COL23A1: variants seen among roughly 807,000 people sequenced by gnomAD.
The protein encoded by COL23A1 is collagen type XXIII alpha 1 chain, also known as collagen alpha-1(XXIII) chain.
COL23A1 carries 97 observed loss-of-function variants against 99.3 expected under a neutral mutation model. That is an observed-to-expected ratio of 0.98 (90% confidence interval 0.83 to 1.16). The LOEUF (loss-of-function observed/expected upper bound fraction) is 1.16. COL23A1 is among the 50% of genes most tolerant of loss of function. COL23A1 has a pLI of 0.00. For missense variants in COL23A1, 762 were observed against 757.4 expected, an observed-to-expected ratio of 1.01 and a Z score of -0.07; for synonymous variants, 320 against 308.2, an observed-to-expected ratio of 1.04 and a Z score of -0.40.
At position 178,340,020 on chromosome 5, in the gene COL23A1, G is replaced by A. The variant is rs905522965; in HGVS notation, c.362-33101C>T. ...GGGTGGGTGGCGGGTGGCTGTTGGG[G>A]GATGAAGAGATGAGTAGAGGGATGA... On this transcript the variant is annotated intron_variant, in intron 2 of 28. Transcript: ENST00000390654. The surrounding 1 kb of genome is among the most constrained non-coding windows in gnomAD (Gnocchi z 4.7). Among the ~76,000 whole-genome samples, 8 of 152,168 alleles carry A rather than the reference G, an allele frequency of 5.3e-5. No individual in the cohort carries two copies. Among genetic ancestry groups the A allele is most frequent in the African/African-American group, 1.9e-4 (8 of 41,434 alleles).
At chr5:178,256,802 C>T in intron 14 of COL23A1, 64 bp downstream of exon 14, 1 of 1,504,810 alleles carries the variant, frequency 6.6e-7, no homozygotes, top group Non-Finnish European at 9.1e-7. Flanking sequence ...ACATCTCCCA[C>T]TCCCGACTGG....
intron 18 of COL23A1, among the ~76,000 whole-genome samples, chr5:178,249,704 ACACACACACACACTCTCTCT>A (rs1764910783): frequency 9.7e-6 from 1 of 103,122 alleles, no homozygotes; most frequent in East Asian, 3.1e-4. Context: ...ACACACACAC[ACACACACACACACTCTCTCT>A]CTCTCTCTCT....
chr5:178,552,816 T>C (rs1219520774), intron 2 of COL23A1, among the ~76,000 whole-genome samples: 1 of 151,750 alleles, frequency 6.6e-6, no homozygotes, highest in East Asian at 2.0e-4. Context: ...CGGGTTCAAG[T>C]GATTCTCCTG....
At chr5:178,558,308 T>C (rs1053987641) in intron 2 of COL23A1, among the ~76,000 whole-genome samples, 5 of 152,114 alleles carry the variant, frequency 3.3e-5, no homozygotes, top group South Asian at 2.1e-4. Context: ...TATCATTTAC[T>C]GATAAAGACC....
At chr5:178,295,764 G>T (rs1356523602) in intron 3 of COL23A1, among the ~76,000 whole-genome samples, 1 of 152,242 alleles carries the variant, frequency 6.6e-6, no homozygotes, top group Non-Finnish European at 1.5e-5. Flanking sequence ...TGCAGCTGCA[G>T]ATGGAATACT....
At chr5:178,258,675 G>T (rs373091218) in intron 12 of COL23A1, among the ~76,000 whole-genome samples, 2 of 151,950 alleles carry the variant, frequency 1.3e-5, no homozygotes, top group East Asian at 2.0e-4. Context: ...GATTACAGGC[G>T]TCAGCCACCG....
At chr5:178,247,630 G>A in intron 21 of COL23A1, 78 bp from the exon 22 acceptor site, 1 of 1,587,692 alleles carries the variant, frequency 6.3e-7, no homozygotes. Context: ...CTGGGGCCCT[G>A]TCCTGGGCTC....
intron 2 of COL23A1, among the ~76,000 whole-genome samples, chr5:178,349,534 A>G (rs9687973): frequency 1.1e-4 from 3 of 28,470 alleles, no homozygotes; most frequent in Non-Finnish European, 2.0e-4. Context: ...CTCCCTAGGC[A>G]GGGCCACCCC....
chr5:178,551,204 AT>A (rs1761987357), intron 2 of COL23A1, among the ~76,000 whole-genome samples: 1 of 33,942 alleles, frequency 2.9e-5, no homozygotes, highest in Non-Finnish European at 1.1e-4. Context: ...ATATATATAA[AT>A]TATTTTTCTT....
intron 2 of COL23A1, among the ~76,000 whole-genome samples, chr5:178,424,941 C>T (rs1765830129): frequency 6.6e-6 from 1 of 152,234 alleles, no homozygotes; most frequent in Admixed American, 6.5e-5. Context: ...GCCTCGCCTC[C>T]TCCTCAGGAG....
At chr5:178,470,778 A>AGGG (rs1562000691) in intron 2 of COL23A1, among the ~76,000 whole-genome samples, 1 of 152,130 alleles carries the variant, frequency 6.6e-6, no homozygotes, top group East Asian at 1.9e-4. Context: ...CACTGGACCC[A>AGGG]GATACCTCCT....
At chr5:178,480,944 G>A (rs1347973393) in intron 2 of COL23A1, among the ~76,000 whole-genome samples, 4 of 151,878 alleles carry the variant, frequency 2.6e-5, no homozygotes, top group African/African-American at 7.3e-5. Context: ...CCAGGAGTTC[G>A]AGACCAGCCT....
intron 2 of COL23A1, among the ~76,000 whole-genome samples, chr5:178,330,150 C>CCCCTGGGA (rs1297799122): frequency 6.6e-6 from 1 of 152,144 alleles, no homozygotes; most frequent in Non-Finnish European, 1.5e-5. Flanking sequence ...AAAGCCTGGG[C>CCCCTGGGA]CCCTGGGACC....
At chr5:178,522,916 C>T (rs1209282900) in intron 2 of COL23A1, among the ~76,000 whole-genome samples, 1 of 151,836 alleles carries the variant, frequency 6.6e-6, no homozygotes, top group East Asian at 1.9e-4. Flanking sequence ...ACAATTTTAA[C>T]ACAGAGATCA....
chr5:178,555,170 C>A (rs911108735), intron 2 of COL23A1, among the ~76,000 whole-genome samples: 2 of 152,202 alleles, frequency 1.3e-5, no homozygotes, highest in Non-Finnish European at 2.9e-5. Context: ...GTCCAAATCT[C>A]CTTTTATTAC....
At chr5:178,404,518 T>C (rs73803031) in intron 2 of COL23A1, among the ~76,000 whole-genome samples, 58 of 81,288 alleles carry the variant, frequency 7.1e-4, no homozygotes, top group African/African-American at 6.5e-3. Flanking sequence ...AGGCATGAAA[T>C]TGAAATAACA....
At chr5:178,576,012 A>G (rs1485099009) in intron 1 of COL23A1, among the ~76,000 whole-genome samples, 1 of 152,206 alleles carries the variant, frequency 6.6e-6, no homozygotes, top group Non-Finnish European at 1.5e-5. Flanking sequence ...CTGGACAGTG[A>G]TGTCGAGAGG....
chr5:178,289,547 C>T (rs1757336788), intron 4 of COL23A1, among the ~76,000 whole-genome samples: 1 of 152,228 alleles, frequency 6.6e-6, no homozygotes, highest in African/African-American at 2.4e-5. Flanking sequence ...CACAAGGTCT[C>T]AGCTGTCTGA....
At chr5:178,323,255 G>A (rs73344872) in intron 2 of COL23A1, among the ~76,000 whole-genome samples, 2,824 of 152,248 alleles carry the variant, frequency 0.019, 97 homozygotes, top group African/African-American at 0.065. Flanking sequence ...GGCAAAGGGT[G>A]GATGCACAGG....
Sources: gnomAD v4.1 joint callset for allele counts (sites outside exome capture counted in the v4.1 genomes callset) on GRCh38, gnomAD v4.1.1 for gene constraint, Gnocchi (gnomAD v3.1) non-coding constraint, MANE v1.5 for transcripts, NCBI Gene and HGNC (gene_info 2026-07-23, HGNC 2026-07-21) for gene names.